Variants in GGA2 observed in about 807,000 individuals in gnomAD.
The protein encoded by GGA2 is golgi associated, gamma adaptin ear containing, ARF binding protein 2.
A neutral mutation model predicts 79.5 loss-of-function variants in GGA2; 48 were observed. The ratio of observed to expected loss-of-function variants is 0.60; its 90% CI spans 0.48 to 0.77. The LOEUF (loss-of-function observed/expected upper bound fraction) is 0.77. Ranked by LOEUF, GGA2 falls within the 30% of genes least tolerant of loss-of-function variation. The pLI, the probability that GGA2 is intolerant of heterozygous loss-of-function variation, is 0.00. For missense variants in GGA2, 770 were observed against 774.0 expected (o/e 0.99, Z 0.06); for synonymous variants, 317 against 302.0 (o/e 1.05, Z -0.51).
At position 23,467,643 on chromosome 16, in the gene GGA2, C is replaced by T. The variant is rs779834299; in HGVS notation, c.1789G>A (p.Glu597Lys). The stretch of plus-strand genomic sequence containing the variant: ...GGGAAGTCTTTCACTTCTCCTACTT[C>T]GCTGAAAGGCTGTCCACCTTGGTTG... Reference protein sequence around the residue: ...TFNQGGQPFSEVGEVKDFPDL... With the variant: ...TFNQGGQPFSKVGEVKDFPDL... Residue 597 changes from glutamate (E) to lysine (K), a missense_variant, in exon 17 of 17, where the codon GAA (glutamate) becomes AAA (lysine). Physicochemically the swap from Glu to Lys is moderately conservative, Grantham distance 56 (BLOSUM62 1). Transcript: ENST00000309859. The T allele has an allele frequency of 8.1e-6, 13 of 1,610,728 alleles. No homozygotes were observed. Among genetic ancestry groups the T allele is most frequent in the South Asian group, 3.3e-5 (3 of 90,900 alleles).
intron 1 of GGA2, among the ~76,000 whole-genome samples, chr16:23,500,391 C>T (rs1237980775): frequency 6.6e-6 from 1 of 152,150 alleles, no homozygotes; most frequent in Non-Finnish European, 1.5e-5. Context: ...AGGGTCGGCC[C>T]AGGGGGGTCT....
chr16:23,482,786 G>T, intron 9 of GGA2, 137 bp downstream of exon 9: 1 of 671,168 alleles, frequency 1.5e-6, no homozygotes. Context: ...GGCAACTCAG[G>T]CCACACCCTC....
In GGA2 at chr16:23,494,388, A is replaced by C. The variant is rs1964828816; in HGVS notation, c.177-10T>G. The C allele has an allele frequency of 1.3e-6, 2 of 1,589,656 alleles. No individual in the cohort carries two copies. The highest frequency in any genetic ancestry group is 1.7e-6 in the Non-Finnish European group (2 of 1,157,530). ...GGGCGCATGTGTGGGGCTACAGGGA[A>C]ACAAAAAGACCTAGACTCTGGGCGG... is the stretch of plus-strand genomic sequence containing the variant. On this transcript the variant is annotated splice_polypyrimidine_tract_variant and intron_variant, in intron 2 of 16. Transcript: ENST00000309859.
rs1469178220 is a variant in GGA2 at position 23,464,654 on chromosome 16, C to G, written c.*2936G>C. 6.6e-6 allele frequency: 1 copy of G among 152,340 alleles called. No individual in the cohort carries two copies. The highest frequency in any genetic ancestry group is 1.5e-5 in the Non-Finnish European group (1 of 68,200). The allele number at this position is 152,340 out of a possible 1,614,324, so 9.4% of individuals were successfully genotyped here. On this transcript the variant is annotated 3_prime_UTR_variant, in exon 17 of 17. Coordinates refer to ENST00000309859, the MANE Select transcript of GGA2 (RefSeq NM_015044.4). ...ACAGGCCAAATGACATGCAACTACT[C>G]TGCGGATACAGACGAAGCAGGAATC...
intron 14 of GGA2, among the ~76,000 whole-genome samples, chr16:23,471,765 G>A (rs996033460): frequency 2.6e-5 from 4 of 152,014 alleles, no homozygotes; most frequent in Non-Finnish European, 4.4e-5. Context: ...AATTTGCTGG[G>A]TGTGGTGGTG....
In GGA2 at chr16:23,488,686, G is replaced by A. The variant is rs762600055; in HGVS notation, c.499C>T (p.Leu167=). Residue 167 remains leucine (L), a synonymous_variant, in exon 6 of 17, where the codon CTA becomes TTA. Coordinates refer to ENST00000309859, the MANE Select transcript of GGA2 (RefSeq NM_015044.4). ...GGGGGTAAGATTTTATCCACTGGTA[G>A]TTTAGGGTCTTGTTTTATAATTCCT... ...KQGIIKQDPK[L]PVDKILPPPS... is the part of the protein sequence containing the mutation. 44 of 1,599,036 alleles carry A rather than the reference G, an allele frequency of 2.8e-5. No individual in the cohort carries two copies. Among genetic ancestry groups the A allele is most frequent in the Admixed American group, 8.4e-5 (5 of 59,740 alleles).
At position 23,467,342 on chromosome 16, in the gene GGA2, C is replaced by G. The variant is rs1450252553; in HGVS notation, c.*248G>C. The G allele has an allele frequency of 8.9e-6, 4 of 447,860 alleles. No homozygotes were observed. The highest frequency in any genetic ancestry group is 1.2e-5 in the Non-Finnish European group (3 of 250,480). The allele number at this position is 447,860 out of a possible 1,614,324, so 27.7% of individuals were successfully genotyped here. ...GATGATGAGAAATGCTTCGCATTTC[C>G]CACACTGCCGATATCCCAAGCCCTG... On this transcript the variant is annotated 3_prime_UTR_variant, in exon 17 of 17. Coordinates refer to ENST00000309859, the MANE Select transcript of GGA2 (RefSeq NM_015044.4).
In GGA2 at chr16:23,480,642, T is replaced by C; in HGVS notation, c.1006+3A>G. On this transcript the variant is annotated splice_donor_region_variant and intron_variant, in intron 10 of 16. Transcript: ENST00000309859. ...GAAGGCAAGGAGAAGCTTTCAAACATACCTCTGGAGACAGGGATGTCTCCC... is the reference window on the plus strand; with the variant it reads ...GAAGGCAAGGAGAAGCTTTCAAACACACCTCTGGAGACAGGGATGTCTCCC... 6.2e-7 allele frequency: 1 copy of C among 1,608,682 alleles called. No homozygotes were observed. The highest frequency in any genetic ancestry group is 8.5e-7 in the Non-Finnish European group (1 of 1,175,622).
intron 1 of GGA2, chr16:23,501,403 G>C (rs1176540433): frequency 4.5e-6 from 2 of 443,972 alleles, no homozygotes; most frequent in African/African-American, 4.0e-5. Flanking sequence ...ACATGAGCAA[G>C]ATGGAGAAGT....
At chr16:23,509,069 G>A (rs2031592680) in intron 1 of GGA2, among the ~76,000 whole-genome samples, 1 of 152,104 alleles carries the variant, frequency 6.6e-6, no homozygotes, top group Non-Finnish European at 1.5e-5. Flanking sequence ...CCTGCCTGAA[G>A]TCTCACCCTC....
At chr16:23,478,191 C>A (rs1256352584) in intron 13 of GGA2, among the ~76,000 whole-genome samples, 177 bp downstream of exon 13, 13 of 146,782 alleles carry the variant, frequency 8.9e-5, no homozygotes, top group Non-Finnish European at 1.6e-4. Flanking sequence ...AGAGTGAGAC[C>A]CCGTCTCAAA....
At chr16:23,515,861 C>CA (rs1167691593) in intron 2 of GGA2, among the ~76,000 whole-genome samples, 1 of 152,176 alleles carries the variant, frequency 6.6e-6, no homozygotes, top group African/African-American at 2.4e-5. Flanking sequence ...TTTCTACAGA[C>CA]AGAGTCTAGC....
chr16:23,493,382 A>C lies in GGA2; in HGVS notation c.329T>G (p.Leu110Arg). The C allele has an allele frequency of 6.2e-7, 1 of 1,605,380 alleles. No individual in the cohort carries two copies. The highest frequency in any genetic ancestry group is 8.5e-7 in the Non-Finnish European group (1 of 1,172,024). Reference sequence around the variant, plus strand: ...CACCTTTGGGGACAACACTTTGATCAGTTCGTTCAGGAAACGAAATTTGGC... The same window carrying C: ...CACCTTTGGGGACAACACTTTGATCCGTTCGTTCAGGAAACGAAATTTGGC... The part of the protein sequence containing the change: ...EVAKFRFLNE[L>R]IKVLSPKYLG... The change falls in exon 4 of 17, where the codon CTG (leucine) becomes CGG (arginine). Residue 110 changes from leucine to arginine, a missense_variant. By Grantham distance (102) the Leu-to-Arg change is moderately radical. Transcript: ENST00000309859.
At chr16:23,522,204 C>G (rs1056117319), upstream of GGA2, 1 of 202,768 alleles carries the variant, frequency 4.9e-6, no homozygotes, top group Non-Finnish European at 1.0e-5. Context: ...CCCTAGTTTT[C>G]CTTGAGAACA....
At chr16:23,511,502 C>CT (rs561839917), upstream of GGA2, among the ~76,000 whole-genome samples, 13,612 of 129,248 alleles carry the variant, frequency 0.11, 1,232 homozygotes, top group African/African-American at 0.25. Context: ...TCCTGGAACA[C>CT]TTTTTTTTTT....
chr16:23,503,011 T>C (rs1341752106), intron 1 of GGA2, among the ~76,000 whole-genome samples: 1 of 152,246 alleles, frequency 6.6e-6, no homozygotes, highest in Non-Finnish European at 1.5e-5. Context: ...TGTTACACCC[T>C]GAATCCTCAT....
In GGA2 at chr16:23,493,474, A is replaced by AC. The variant is rs777450301; in HGVS notation, c.253-17dup. 1.9e-3 allele frequency: 2,954 copies of AC among 1,534,608 alleles called. 9 individuals are homozygous for AC. Among genetic ancestry groups the AC allele is most frequent in the Non-Finnish European group, 2.3e-3 (2,595 of 1,107,546 alleles). Reference sequence around the variant, plus strand: ...TCTCCAGCACCTGCACAGACACAGGACCCCCAGGAGAAGGTGGAAAGCCAG... The same window carrying AC: ...TCTCCAGCACCTGCACAGACACAGGACCCCCCAGGAGAAGGTGGAAAGCCAG... On this transcript the variant is annotated splice_polypyrimidine_tract_variant and intron_variant, in intron 3 of 16. Transcript: ENST00000309859.
At chr16:23,494,450 A>G in intron 2 of GGA2, 72 bp from the exon 3 acceptor site, 1 of 980,792 alleles carries the variant, frequency 1.0e-6, no homozygotes, top group Non-Finnish European at 1.7e-6. Flanking sequence ...GAGCATGCTC[A>G]GTAAAATCAC....
intron 14 of GGA2, among the ~76,000 whole-genome samples, chr16:23,470,860 G>A (rs1407912759): frequency 1.1e-5 from 1 of 91,536 alleles, no homozygotes; most frequent in Non-Finnish European, 2.0e-5. Context: ...ACAGACTTTC[G>A]CTTTTGTTGC....
Sources: gnomAD v4.1 joint callset for allele counts (sites outside exome capture counted in the v4.1 genomes callset) on GRCh38, gnomAD v4.1.1 for gene constraint, MANE v1.5 for transcripts, NCBI Gene and HGNC (gene_info 2026-07-23, HGNC 2026-07-21) for gene names.